The following UBR3 variants were observed in gnomAD, a reference collection of about 807,000 sequenced individuals.
UBR3 encodes the protein ubiquitin protein ligase E3 component n-recognin 3, also known as E3 ubiquitin-protein ligase UBR3.
In UBR3, 85 loss-of-function variants were observed where a neutral mutation model predicts 243.2. The observed-to-expected ratio is 0.35, with a 90% CI of 0.29 to 0.42. UBR3 has a LOEUF of 0.42. Ranked by LOEUF, UBR3 falls within the 10% of genes least tolerant of loss-of-function variation. The probability of loss-of-function intolerance (pLI) is 1.00; values close to 1 mark genes in which losing one functional copy is unlikely to be tolerated. For synonymous variants in UBR3, 748 were observed against 799.8 expected (o/e 0.94, Z 1.09); for missense variants, 1,686 against 2,300.8 (o/e 0.73, Z 5.47).
At position 169,890,549 on chromosome 2, in the gene UBR3, A is replaced by ATATATATATGTG. The variant is rs1553504464; in HGVS notation, c.1039-607_1039-606insGTGTATATATAT. 8.3e-4 allele frequency among the ~76,000 whole-genome samples: 49 copies of ATATATATATGTG among 59,240 alleles called. 2 individuals carry two copies. Among genetic ancestry groups the ATATATATATGTG allele is most frequent in the African/African-American group, 2.5e-3 (42 of 17,048 alleles). 38.9% of individuals were successfully genotyped at this position (59,240 alleles called of 152,430 possible). A position where few individuals can be genotyped will look rare whatever the true frequency, so the allele number is the denominator to read the frequency against. On this transcript the variant is annotated intron_variant, in intron 5 of 38. Transcript: ENST00000272793. ...AGGAGAGAGAGAGAGAGATATATAT[A>ATATATATATGTG]TATATATATATATATGTGTATATAT... is the stretch of plus-strand genomic sequence containing the variant.
intron 27 of UBR3, among the ~76,000 whole-genome samples, chr2:170,003,678 G>T (rs1286660140): frequency 6.6e-6 from 1 of 151,332 alleles, no homozygotes; most frequent in Non-Finnish European, 1.5e-5. Flanking sequence ...GTCTCACTCT[G>T]TGCCCAGGCT....
At chr2:169,839,377 G>C (rs567534920) in intron 1 of UBR3, among the ~76,000 whole-genome samples, 57 of 152,256 alleles carry the variant, frequency 3.7e-4, no homozygotes, top group African/African-American at 1.3e-3. Flanking sequence ...TAGAAAGGAG[G>C]AGGGGGATAA....
chr2:169,980,030 A>G (rs1345098828), intron 24 of UBR3, among the ~76,000 whole-genome samples: 1 of 152,200 alleles, frequency 6.6e-6, no homozygotes, highest in Non-Finnish European at 1.5e-5. Flanking sequence ...TGGCTACCTA[A>G]CTTTGGAAAT....
intron 35 of UBR3, among the ~76,000 whole-genome samples, chr2:170,072,793 G>T (rs750757953): frequency 2.0e-5 from 3 of 151,876 alleles, no homozygotes; most frequent in Non-Finnish European, 4.4e-5. Flanking sequence ...GTGGTCTTTC[G>T]GTTAAATAAA....
At chr2:169,947,824 A>G in intron 22 of UBR3, 109 bp downstream of exon 22, 1 of 1,249,576 alleles carries the variant, frequency 8.0e-7, no homozygotes, top group Non-Finnish European at 1.0e-6. Flanking sequence ...GTGGTTGTAG[A>G]TAACTTTAAA....
At chr2:170,009,393 A>G (rs962085545) in intron 29 of UBR3, among the ~76,000 whole-genome samples, 1 of 152,176 alleles carries the variant, frequency 6.6e-6, no homozygotes, top group African/African-American at 2.4e-5. Context: ...GGAGTTTAGA[A>G]GAATCAGATA....
intron 8 of UBR3, among the ~76,000 whole-genome samples, chr2:169,900,217 T>C (rs1029583563): frequency 1.3e-5 from 2 of 152,236 alleles, no homozygotes; most frequent in African/African-American, 4.8e-5. Context: ...TATCTCATTG[T>C]GGTTTTGATT....
chr2:169,839,573 C>G (rs978803433), intron 1 of UBR3, among the ~76,000 whole-genome samples: 5 of 152,060 alleles, frequency 3.3e-5, no homozygotes, highest in African/African-American at 1.2e-4. Flanking sequence ...AGTGGTATTC[C>G]AAGTACATTG....
At chr2:170,060,977 A>C (rs1162072240) in intron 33 of UBR3, 102 bp from the exon 34 acceptor site, 3 of 788,006 alleles carry the variant, frequency 3.8e-6, no homozygotes, top group African/African-American at 3.7e-5. Context: ...TGCTTGAAAA[A>C]TAATATAATC....
At chr2:170,030,824 A>G (rs1408625768) in intron 31 of UBR3, among the ~76,000 whole-genome samples, 2 of 152,124 alleles carry the variant, frequency 1.3e-5, no homozygotes, top group African/African-American at 4.8e-5. Context: ...TATAAAATTT[A>G]TATTTTTCTG....
At chr2:169,866,187 A>G (rs1574077467) in intron 1 of UBR3, among the ~76,000 whole-genome samples, 1 of 124,424 alleles carries the variant, frequency 8.0e-6, no homozygotes, top group Admixed American at 8.7e-5. Flanking sequence ...AAAAGCTTTT[A>G]TGGGAATACA....
In UBR3 at chr2:169,827,705, C is replaced by G. The variant is rs1558988177; in HGVS notation, c.198C>G (p.Ala66=). Residue 66 remains alanine, a synonymous_variant, in exon 1 of 39, where the codon GCC becomes GCG. Transcript: ENST00000272793. ...TGCTGAGCGCCGAGCGGCCGCTGGC[C>G]GCGGCTGCCGGCGGCGAGGACGCGG... ...ERVLSAERPL[A]AAAGGEDAAA... 4.1e-6 allele frequency: 5 copies of G among 1,219,098 alleles called. No individual in the cohort carries two copies. Among genetic ancestry groups the G allele is most frequent in the Non-Finnish European group, 5.1e-6 (5 of 983,228 alleles). 75.5% of individuals were successfully genotyped at this position (1,219,098 alleles called of 1,614,324 possible). A position where few individuals can be genotyped will look rare whatever the true frequency, so the allele number is the denominator to read the frequency against.
At chr2:169,881,724 T>G (rs1364375481) in intron 5 of UBR3, among the ~76,000 whole-genome samples, 8 of 139,924 alleles carry the variant, frequency 5.7e-5, no homozygotes, top group African/African-American at 7.9e-5. Flanking sequence ...ATATGTATAT[T>G]TATATTATAT....
chr2:169,970,084 C>T (rs2088036536), intron 24 of UBR3, among the ~76,000 whole-genome samples: 1 of 146,798 alleles, frequency 6.8e-6, no homozygotes, highest in Non-Finnish European at 1.5e-5. Context: ...GTGTAGATCA[C>T]TTTTGGTAGT....
At chr2:169,898,816 C>T (rs888088601) in intron 8 of UBR3, among the ~76,000 whole-genome samples, 1 of 151,858 alleles carries the variant, frequency 6.6e-6, no homozygotes, top group African/African-American at 2.4e-5. Flanking sequence ...ATTCTCCTGC[C>T]TCAGCCTCCC....
intron 27 of UBR3, among the ~76,000 whole-genome samples, chr2:170,002,041 T>C (rs1230606748): frequency 6.6e-6 from 1 of 151,952 alleles, no homozygotes; most frequent in Non-Finnish European, 1.5e-5. Context: ...TCCTACCATG[T>C]CACCTTATGA....
chr2:169,863,759 G>A (rs1021151198), intron 1 of UBR3, among the ~76,000 whole-genome samples: 1 of 152,170 alleles, frequency 6.6e-6, no homozygotes, highest in African/African-American at 2.4e-5. Context: ...ACCTGTAGCC[G>A]TAGTTCATTG....
At chr2:170,053,803 A>G (rs1004150899) in intron 32 of UBR3, among the ~76,000 whole-genome samples, 1 of 152,256 alleles carries the variant, frequency 6.6e-6, no homozygotes, top group Non-Finnish European at 1.5e-5. Context: ...ATTAAATGGT[A>G]GTATCCATTT....
chr2:169,960,663 G>A (rs1044468749), intron 24 of UBR3, among the ~76,000 whole-genome samples: 1 of 151,962 alleles, frequency 6.6e-6, no homozygotes, highest in Non-Finnish European at 1.5e-5. Flanking sequence ...CATATAAAAT[G>A]AACTAATAAG....
Sources: gnomAD v4.1 joint callset for allele counts (sites outside exome capture counted in the v4.1 genomes callset) on GRCh38, gnomAD v4.1.1 for gene constraint, MANE v1.5 for transcripts, NCBI Gene and HGNC (gene_info 2026-07-23, HGNC 2026-07-21) for gene names.